Variants in POU2F2 observed in about 807,000 individuals in gnomAD.
POU2F2 encodes POU class 2 homeobox 2.
Under a neutral mutation model 63.5 loss-of-function variants are expected in POU2F2, and 14 were observed. The observed-to-expected ratio is 0.22, with a 90% CI of 0.15 to 0.34. The LOEUF is 0.34. POU2F2 is among the 10% of genes least tolerant of loss of function. The probability of loss-of-function intolerance (pLI) is 1.00; values close to 1 mark genes in which losing one functional copy is unlikely to be tolerated. For synonymous variants in POU2F2, 306 were observed against 348.6 expected (o/e 0.88, Z 1.36); for missense variants, 607 against 815.2 (o/e 0.74, Z 3.11).
intron 1 of POU2F2, among the ~76,000 whole-genome samples, chr19:42,129,632 G>T (rs1225516518): frequency 6.6e-6 from 1 of 152,176 alleles, no homozygotes; most frequent in Non-Finnish European, 1.5e-5. Flanking sequence ...TCCGCAGCCT[G>T]CTTCAATTAG....
chr19:42,188,685 AAG>A, intron 1 of POU2F2, among the ~76,000 whole-genome samples: 1 of 147,766 alleles, frequency 6.8e-6, no homozygotes, highest in Non-Finnish European at 1.5e-5. Context: ...AAAAAAAAAA[AAG>A]AAAGAAAGTG....
chr19:42,193,064 CA>C lies in POU2F2; in HGVS notation c.-70+3318del, dbSNP rs1010641841. On this transcript the variant is annotated intron_variant, in intron 1 of 5. Coordinates refer to the POU2F2 transcript ENST00000532176. ...TGAAATCCCGTCTCTACTAAAAATA[CA>C]AAAAAAAAAAAATAGCCGGGCGTGG... Among the ~76,000 whole-genome samples the C allele has an allele frequency of 5.9e-3, 779 of 131,570 alleles. 7 individuals carry two copies. Among genetic ancestry groups the C allele is most frequent in the Middle Eastern group, 0.021 (5 of 242 alleles). 86.3% of individuals were successfully genotyped at this position (131,570 alleles called of 152,430 possible).
At chr19:42,121,383 C>CT (rs2032592570) in intron 4 of POU2F2, among the ~76,000 whole-genome samples, 1 of 152,164 alleles carries the variant, frequency 6.6e-6, no homozygotes, top group African/African-American at 2.4e-5. Flanking sequence ...CGACTGCCCC[C>CT]TCCCCCCTGA....
chr19:42,117,220 C>A lies in POU2F2; in HGVS notation c.369+30G>T, dbSNP rs2032027967. The A allele has an allele frequency of 6.9e-7, 1 of 1,450,492 alleles. No individual in the cohort carries two copies. Among genetic ancestry groups the A allele is most frequent in the African/African-American group, 1.5e-5 (1 of 67,542 alleles). The allele number at this position is 1,450,492 out of a possible 1,614,324, so 89.9% of individuals were successfully genotyped here. A position where few individuals can be genotyped will look rare whatever the true frequency, so the allele number is the denominator to read the frequency against. The stretch of plus-strand genomic sequence containing the variant: ...CAGATGAGGGGTGGCTGGTTTGTCC[C>A]CTCGTCCCCATCCTTCCCCAAGTAC... On this transcript the variant is annotated intron_variant, in intron 5 of 14. Coordinates refer to ENST00000692977, the MANE Select transcript of POU2F2 (RefSeq NM_001394376.1). This position sits in a 1 kb window ranked among gnomAD's most constrained non-coding sequence, Gnocchi z 4.4.
intron 1 of POU2F2, among the ~76,000 whole-genome samples, chr19:42,193,234 A>G (rs1229972314): frequency 6.6e-6 from 1 of 151,878 alleles, no homozygotes; most frequent in Non-Finnish European, 1.5e-5. Context: ...AAAAAAAAAA[A>G]AAGAGGAAAG....
chr19:42,110,559 G>C, intron 5 of POU2F2: 1 of 244,764 alleles, frequency 4.1e-6, no homozygotes, highest in South Asian at 4.0e-5. Flanking sequence ...GCTTCTTGCT[G>C]TGTGCCTGGG....
At chr19:42,134,529 T>C (rs2033955013), upstream of POU2F2, 1 of 152,250 alleles carries the variant, frequency 6.6e-6, no homozygotes, top group African/African-American at 2.4e-5. Context: ...TGAGAGAGGA[T>C]AGAGGGGCAG....
At chr19:42,195,110 GGAGGGAGGAACGAAGA>G (rs2035125421) in intron 1 of POU2F2, among the ~76,000 whole-genome samples, 1 of 106,636 alleles carries the variant, frequency 9.4e-6, no homozygotes, top group Non-Finnish European at 2.0e-5. Flanking sequence ...AGGGAGGGAG[GGAGGGAGGAACGAAGA>G]GAGGGAGGAA....
At chr19:42,168,260 G>A (rs528409917) in intron 1 of POU2F2, among the ~76,000 whole-genome samples, 2 of 152,146 alleles carry the variant, frequency 1.3e-5, no homozygotes, top group Admixed American at 6.5e-5. Flanking sequence ...GTCCCCACAC[G>A]AGGCTCAGAG....
chr19:42,149,722 G>A (rs1230078980), intron 2 of POU2F2, among the ~76,000 whole-genome samples: 1 of 151,342 alleles, frequency 6.6e-6, no homozygotes, highest in Non-Finnish European at 1.5e-5. Context: ...GAGGGAGGGG[G>A]AAGAGCAAGC....
intron 1 of POU2F2, among the ~76,000 whole-genome samples, chr19:42,130,749 T>G (rs1330955546): frequency 6.6e-6 from 1 of 150,912 alleles, no homozygotes; most frequent in Non-Finnish European, 1.5e-5. Flanking sequence ...ACCCACTCAT[T>G]CTTCATATCC....
At chr19:42,103,282 A>G (rs2077210816) in intron 5 of POU2F2, among the ~76,000 whole-genome samples, 1 of 152,046 alleles carries the variant, frequency 6.6e-6, no homozygotes, top group South Asian at 2.1e-4. Context: ...CTCATTCATG[A>G]CATGCCCCTC....
rs1469356128 is a variant in POU2F2 at position 42,092,144 on chromosome 19, G to A, written c.1391C>T (p.Thr464Ile). The A allele has an allele frequency of 7.9e-5, 125 of 1,582,250 alleles. No homozygotes were observed. The highest frequency in any genetic ancestry group is 1.0e-4 in the Non-Finnish European group (122 of 1,166,008). The stretch of plus-strand genomic sequence containing the variant: ...AGGGCTGGGGTTTGTGCTGTTGGTG[G>A]TGGCCGGGGGTGGGGGAGTGACAGA... ...IPSVTPPPPA[T>I]TNSTNPSPQG... Residue 464 changes from threonine (T) to isoleucine (I), a missense_variant, in exon 13 of 15, where the codon ACC becomes ATC. Physicochemically the swap from Thr to Ile is moderately conservative, Grantham distance 89. Around this residue, in one of 7 missense-constraint regions of POU2F2, gnomAD observed 270 missense variants for 307.5 expected, o/e 0.88. Coordinates refer to ENST00000692977, the MANE Select transcript of POU2F2 (RefSeq NM_001394376.1). This position sits in a 1 kb window ranked among gnomAD's most constrained non-coding sequence, Gnocchi z 5.0.
At chr19:42,098,655 C>A (rs76662040) in intron 7 of POU2F2, among the ~76,000 whole-genome samples, 2,055 of 152,240 alleles carry the variant, frequency 0.013, 20 homozygotes, top group Non-Finnish European at 0.022. Context: ...GGAAGAACAA[C>A]TTGACTTTCT....
At chr19:42,190,671 T>C (rs1221435620) in intron 1 of POU2F2, among the ~76,000 whole-genome samples, 2 of 152,150 alleles carry the variant, frequency 1.3e-5, no homozygotes, top group Non-Finnish European at 2.9e-5. Flanking sequence ...CTGGCCAAGA[T>C]GGTGAAAGCC....
At chr19:42,187,416 A>T (rs1207097403) in intron 1 of POU2F2, among the ~76,000 whole-genome samples, 4 of 144,344 alleles carry the variant, frequency 2.8e-5, no homozygotes, top group Non-Finnish European at 1.5e-5. Context: ...GGCTACAGTG[A>T]GCTGAGATTG....
At position 42,117,241 on chromosome 19, in the gene POU2F2, A is replaced by G. The variant is rs1019227096; in HGVS notation, c.369+9T>C. 4 of 1,472,310 alleles carry G rather than the reference A, an allele frequency of 2.7e-6. No individual in the cohort carries two copies. Among genetic ancestry groups the G allele is most frequent in the Non-Finnish European group, 3.6e-6 (4 of 1,116,910 alleles). The allele number at this position is 1,472,310 out of a possible 1,614,324, so 91.2% of individuals were successfully genotyped here. Reference sequence around the variant, plus strand: ...GTCCCCTCGTCCCCATCCTTCCCCAAGTACTTACCCCAGCTAGCTGGCTGC... The same window carrying G: ...GTCCCCTCGTCCCCATCCTTCCCCAGGTACTTACCCCAGCTAGCTGGCTGC... On this transcript the variant is annotated intron_variant, in intron 5 of 14. Transcript: ENST00000692977. The surrounding 1 kb of genome is among the most constrained non-coding windows in gnomAD (Gnocchi z 4.4).
At chr19:42,129,707 G>C (rs1247588251) in intron 1 of POU2F2, among the ~76,000 whole-genome samples, 1 of 152,180 alleles carries the variant, frequency 6.6e-6, no homozygotes, top group Non-Finnish European at 1.5e-5. Context: ...GGCCCAGCTG[G>C]CCGAGCCCCC....
intron 1 of POU2F2, among the ~76,000 whole-genome samples, chr19:42,193,143 G>A (rs1183711472): frequency 3.3e-5 from 5 of 151,044 alleles, no homozygotes; most frequent in East Asian, 1.9e-4. Flanking sequence ...GGAGAATGGC[G>A]GGAGGCGGAG....
Sources: allele counts gnomAD v4.1 joint callset (sites outside exome capture counted in the v4.1 genomes callset), GRCh38; gene constraint gnomAD v4.1.1; regional missense constraint gnomAD v4.1.1; non-coding constraint Gnocchi (gnomAD v3.1); transcripts MANE v1.5; gene names NCBI Gene and HGNC (gene_info 2026-07-23, HGNC 2026-07-21).